Variants in SGCD observed in about 807,000 individuals in gnomAD.
SGCD encodes the protein sarcoglycan delta.
SGCD carries 18 observed loss-of-function variants against 36.6 expected under a neutral mutation model. The observed-to-expected ratio is 0.49, with a 90% CI of 0.34 to 0.73. The LOEUF (loss-of-function observed/expected upper bound fraction) is 0.73. Ranked by LOEUF, SGCD falls within the 30% of genes least tolerant of loss-of-function variation. The pLI is 0.01. For synonymous variants in SGCD, 133 were observed against 130.6 expected (o/e 1.02, Z -0.12); for missense variants, 387 against 346.7 (o/e 1.12, Z -0.92).
intron 7 of SGCD, among the ~76,000 whole-genome samples, chr5:156,725,218 T>G (rs1755711896): frequency 6.6e-6 from 1 of 152,234 alleles, no homozygotes; most frequent in African/African-American, 2.4e-5. Flanking sequence ...TCTAGAATGA[T>G]GGCTCTAAGA....
chr5:155,771,093 A>T, the SGCD span, among the ~76,000 whole-genome samples: 6 of 150,762 alleles, frequency 4.0e-5, no homozygotes, highest in Non-Finnish European at 7.4e-5. Context: ...TTAGAACATA[A>T]ATGGTCCTTG....
intron 3 of SGCD, among the ~76,000 whole-genome samples, chr5:156,478,464 A>G (rs1185498850): frequency 1.3e-5 from 2 of 152,166 alleles, no homozygotes; most frequent in Non-Finnish European, 2.9e-5. Flanking sequence ...TCCTGAAAGG[A>G]ATCCATGGAG....
chr5:156,490,873 A>T (rs1755909023), intron 3 of SGCD, among the ~76,000 whole-genome samples: 1 of 152,142 alleles, frequency 6.6e-6, no homozygotes, highest in African/African-American at 2.4e-5. Context: ...AGTCAGGAGG[A>T]AAAAATTAAA....
At chr5:156,236,473 G>A (rs998355911) in intron 3 of SGCD, among the ~76,000 whole-genome samples, 13 of 146,304 alleles carry the variant, frequency 8.9e-5, no homozygotes, top group East Asian at 2.0e-4. Context: ...TTTTTGAGAC[G>A]GAGTCTCGCT....
At chr5:156,713,070 C>A (rs1329214322) in intron 7 of SGCD, among the ~76,000 whole-genome samples, 4 of 152,008 alleles carry the variant, frequency 2.6e-5, no homozygotes, top group Non-Finnish European at 5.9e-5. Flanking sequence ...AATCAACTTT[C>A]CTCTCAGGTA....
At chr5:156,515,983 C>T (rs1757140783) in intron 4 of SGCD, among the ~76,000 whole-genome samples, 1 of 152,258 alleles carries the variant, frequency 6.6e-6, no homozygotes, top group Admixed American at 6.5e-5. Context: ...GGAATTTCAG[C>T]AACTGCAGCC....
intron 3 of SGCD, among the ~76,000 whole-genome samples, chr5:156,387,865 G>A (rs6556573): frequency 0.73 from 111,027 of 152,064 alleles, 40,833 homozygotes; most frequent in Middle Eastern, 0.88. Context: ...GGCCACGTTC[G>A]TATTATAGCC....
At chr5:155,888,815 A>G (rs1756062832) in intron 1 of SGCD, among the ~76,000 whole-genome samples, 1 of 152,152 alleles carries the variant, frequency 6.6e-6, no homozygotes, top group Non-Finnish European at 1.5e-5. Context: ...GAATTTCTTC[A>G]GCGTAAAATA....
intron 1 of SGCD, among the ~76,000 whole-genome samples, chr5:155,923,671 G>A (rs182587384): frequency 1.5e-3 from 225 of 152,296 alleles, no homozygotes; most frequent in African/African-American, 5.3e-3. Flanking sequence ...AGCAAGAAAA[G>A]GAATCAAGGG....
intron 3 of SGCD, among the ~76,000 whole-genome samples, chr5:156,271,064 A>G (rs554291524): frequency 1.3e-5 from 2 of 152,328 alleles, no homozygotes; most frequent in East Asian, 3.9e-4. Context: ...GGAGTTTCTA[A>G]TAGAGGCGTT....
At chr5:156,604,547 G>C (rs1363874464) in intron 6 of SGCD, among the ~76,000 whole-genome samples, 3 of 151,548 alleles carry the variant, frequency 2.0e-5, no homozygotes, top group Non-Finnish European at 4.4e-5. Context: ...AAGTCTTATA[G>C]TTACAATAGG....
chr5:156,273,769 C>T (rs757679047), intron 3 of SGCD, among the ~76,000 whole-genome samples: 7 of 152,050 alleles, frequency 4.6e-5, no homozygotes, highest in Non-Finnish European at 8.8e-5. Flanking sequence ...GTTTATCACA[C>T]GATCCTAGAA....
rs1039346592 is a variant in SGCD, at chr5:156,053,897, A to G, written c.-281-63981A>G. ...GGATGACATCTAGCTTTGTCCCCACATGGTGGAAGGGGCAAGGGAGCTCAT... is the reference window on the plus strand; with the variant it reads ...GGATGACATCTAGCTTTGTCCCCACGTGGTGGAAGGGGCAAGGGAGCTCAT... On this transcript the variant is annotated intron_variant, in intron 1 of 9. Transcript: ENST00000517913. 1.2e-4 allele frequency among the ~76,000 whole-genome samples: 17 copies of G among 146,046 alleles called. 4 individuals are homozygous for G. The highest frequency in any genetic ancestry group is 6.2e-4 in the Admixed American group (9 of 14,572).
chr5:156,383,483 G>GA (rs1234100922), intron 3 of SGCD, among the ~76,000 whole-genome samples: 1 of 152,020 alleles, frequency 6.6e-6, no homozygotes, highest in African/African-American at 2.4e-5. Context: ...CAGCCTGGGT[G>GA]ACAGGGTGAG....
chr5:156,071,795 C>T (rs1186319274), intron 1 of SGCD, among the ~76,000 whole-genome samples: 1 of 152,154 alleles, frequency 6.6e-6, no homozygotes, highest in Non-Finnish European at 1.5e-5. Flanking sequence ...TCAGGACTTG[C>T]TTCATGAATC....
At chr5:156,162,367 G>C (rs1003800070) in intron 3 of SGCD, among the ~76,000 whole-genome samples, 4 of 151,334 alleles carry the variant, frequency 2.6e-5, no homozygotes, top group Non-Finnish European at 4.4e-5. Context: ...GTGTTATGAG[G>C]GTGTTAAACT....
intron 7 of SGCD, among the ~76,000 whole-genome samples, chr5:156,695,535 A>G (rs143055224): frequency 5.0e-4 from 67 of 132,754 alleles, no homozygotes; most frequent in African/African-American, 1.8e-3. Context: ...ATAGATAGAT[A>G]GATAGATAGA....
At chr5:155,771,144 G>C in the SGCD span, among the ~76,000 whole-genome samples, 1 of 152,130 alleles carries the variant, frequency 6.6e-6, no homozygotes, top group African/African-American at 2.4e-5. Flanking sequence ...GAGAGTCTAA[G>C]TCCCTTGCGT....
the SGCD span, among the ~76,000 whole-genome samples, chr5:155,750,162 A>G: frequency 1.3e-5 from 2 of 152,198 alleles, no homozygotes; most frequent in Non-Finnish European, 2.9e-5. Context: ...AAGTTATGAA[A>G]CAAACCTTCA....
Sources: gnomAD v4.1 joint callset for allele counts (sites outside exome capture counted in the v4.1 genomes callset) on GRCh38, gnomAD v4.1.1 for gene constraint, MANE v1.5 for transcripts, NCBI Gene and HGNC (gene_info 2026-07-23, HGNC 2026-07-21) for gene names.